Variants in ADGRL1 observed in about 807,000 individuals in gnomAD.
The protein encoded by ADGRL1 is CIRL-1.
A neutral mutation model predicts 148.9 loss-of-function variants in ADGRL1; 31 were observed. The observed-to-expected ratio is 0.21, with a 90% CI of 0.16 to 0.28. ADGRL1 has a LOEUF of 0.28. ADGRL1 is among the 10% of genes least tolerant of loss of function. The pLI, the probability that ADGRL1 is intolerant of heterozygous loss-of-function variation, is 1.00. For synonymous variants in ADGRL1, 937 were observed against 900.3 expected (o/e 1.04, Z -0.73); for missense variants, 1,521 against 2,058.8 (o/e 0.74, Z 5.05).
At position 14,155,532 on chromosome 19, in the gene ADGRL1, G is replaced by A; in HGVS notation, c.3126-5C>T. The A allele has an allele frequency of 6.2e-7, 1 of 1,613,206 alleles. No homozygotes were observed. The highest frequency in any genetic ancestry group is 8.5e-7 in the Non-Finnish European group (1 of 1,179,780). ...ATGGCCCCCAGCGCCCAGGATCTGG[G>A]AGTGGGGCGACAGGGGAGTCAAAGT... On this transcript the variant is annotated splice_region_variant and splice_polypyrimidine_tract_variant and intron_variant, in intron 17 of 22. Transcript: ENST00000361434. The surrounding 1 kb of genome is among the most constrained non-coding windows in gnomAD (Gnocchi z 5.0).
At chr19:14,158,185 A>G (rs1968964069) in intron 12 of ADGRL1, 133 bp from the exon 13 acceptor site, 19 of 1,229,482 alleles carry the variant, frequency 1.5e-5, no homozygotes, top group Non-Finnish European at 2.2e-5. Flanking sequence ...TCCAGTTGAC[A>G]TTCTGAGAGC....
At chr19:14,197,852 A>C (rs1444948846) in intron 1 of ADGRL1, among the ~76,000 whole-genome samples, 5 of 152,174 alleles carry the variant, frequency 3.3e-5, no homozygotes. Flanking sequence ...AATGAAGATG[A>C]AATAGACCCA....
At chr19:14,180,433 T>C (rs1183269617) in intron 2 of ADGRL1, among the ~76,000 whole-genome samples, 1 of 151,922 alleles carries the variant, frequency 6.6e-6, no homozygotes, top group East Asian at 1.9e-4. Flanking sequence ...TTTTTGTATT[T>C]TTAGTAGAGA....
Position 14,151,070 on chromosome 19 carries a change from G to GGGGGCC in ADGRL1, c.4212_4213insGGCCCC (p.Leu1404_Pro1405insGlyPro). 1 of 709,434 alleles carries GGGGGCC rather than the reference G, an allele frequency of 1.4e-6. No individual in the cohort carries two copies. Among genetic ancestry groups the GGGGGCC allele is most frequent in the Non-Finnish European group, 2.2e-6 (1 of 459,076 alleles). 43.9% of individuals were successfully genotyped at this position (709,434 alleles called of 1,614,324 possible). A position where few individuals can be genotyped will look rare whatever the true frequency, so the allele number is the denominator to read the frequency against. ...CCGGGGGGTGCGGGAGGGGGTGGGG[G>GGGGGCC]CAGGGCCTCACTGGGCCCCTCAGGG... On this transcript the variant is annotated inframe_insertion, in exon 23 of 23. Coordinates refer to ENST00000361434, the MANE Select transcript of ADGRL1 (RefSeq NM_014921.5).
intron 3 of ADGRL1, among the ~76,000 whole-genome samples, chr19:14,173,094 G>A (rs1212781622): frequency 6.6e-6 from 1 of 151,978 alleles, no homozygotes; most frequent in Non-Finnish European, 1.5e-5. Flanking sequence ...CAAGGAGCTG[G>A]GACTACAGGT....
chr19:14,166,211 TCCC>T (rs1969944542), intron 4 of ADGRL1, among the ~76,000 whole-genome samples: 2 of 147,352 alleles, frequency 1.4e-5, no homozygotes, highest in South Asian at 4.3e-4. Context: ...CACCCTTCGC[TCCC>T]CCAACCACGA....
rs1449478954 is a variant in ADGRL1 at position 14,152,728 on chromosome 19, C to T, written c.3423+56G>A. The T allele has an allele frequency of 4.4e-6, 7 of 1,604,510 alleles. No individual in the cohort carries two copies. Among genetic ancestry groups the T allele is most frequent in the Non-Finnish European group, 6.0e-6 (7 of 1,172,958 alleles). On this transcript the variant is annotated intron_variant, in intron 19 of 22. Coordinates refer to ENST00000361434, the MANE Select transcript of ADGRL1 (RefSeq NM_014921.5). This position sits in a 1 kb window ranked among gnomAD's most constrained non-coding sequence, Gnocchi z 6.1. ...AAACCTAGGCCAAGCCACTCCCCAC[C>T]TCTCAGGCTCCAGGTTCCAACACTC...
chr19:14,195,209 A>G (rs1357019518), intron 1 of ADGRL1, among the ~76,000 whole-genome samples: 1 of 151,668 alleles, frequency 6.6e-6, no homozygotes, highest in Non-Finnish European at 1.5e-5. Context: ...ACCCTATCTC[A>G]CCCATGGGAA....
At chr19:14,202,842 C>T (rs1420728086) in intron 1 of ADGRL1, among the ~76,000 whole-genome samples, 2 of 152,002 alleles carry the variant, frequency 1.3e-5, no homozygotes, top group Non-Finnish European at 2.9e-5. Flanking sequence ...AACACAAACA[C>T]CAGCACAGGA....
At chr19:14,198,461 G>T (rs1469215264) in intron 1 of ADGRL1, among the ~76,000 whole-genome samples, 4 of 152,124 alleles carry the variant, frequency 2.6e-5, no homozygotes, top group Non-Finnish European at 5.9e-5. Context: ...CCCCCACCTT[G>T]CTGGTTGCCT....
chr19:14,160,181 G>A lies in ADGRL1; in HGVS notation c.1731C>T (p.Asp577=). 6.3e-7 allele frequency: 1 copy of A among 1,598,662 alleles called. No homozygotes were observed. The highest frequency in any genetic ancestry group is 2.3e-5 in the East Asian group (1 of 44,388). ...GGGCCTGCAGCTGGGCATCCAGGAT[G>A]TCCAGCAGCTGCTCCATCAGCTTCA... ...SSVKLMEQLL[D]ILDAQLQALR... The change falls in exon 8 of 23, where the codon GAC becomes GAT. Residue 577 remains aspartate, a synonymous_variant. Coordinates refer to ENST00000361434, the MANE Select transcript of ADGRL1 (RefSeq NM_014921.5). The surrounding 1 kb of genome is among the most constrained non-coding windows in gnomAD (Gnocchi z 5.9).
intron 1 of ADGRL1, among the ~76,000 whole-genome samples, chr19:14,197,539 G>A (rs1972338016): frequency 6.6e-6 from 1 of 152,114 alleles, no homozygotes; most frequent in Non-Finnish European, 1.5e-5. Flanking sequence ...AGGCCCTGCT[G>A]TCCTGCCACC....
In ADGRL1 at chr19:14,158,453, C is replaced by T. The variant is rs1182707317; in HGVS notation, c.2249G>A (p.Gly750Asp). Residue 750 changes from glycine to aspartate, a missense_variant, in exon 12 of 23, where the codon GGC (glycine) becomes GAC (aspartate). Transcript: ENST00000361434. ...VKLAGEAGPG[G>D]PGGASLVVNS... is the part of the protein sequence containing the mutation. ...CACCACTAGAGAGGCGCCCCCAGGGCCACCCGGGCCTGCTTCGCCGGCCAG... is the reference window on the plus strand; with the variant it reads ...CACCACTAGAGAGGCGCCCCCAGGGTCACCCGGGCCTGCTTCGCCGGCCAG... 7 of 1,613,738 alleles carry T rather than the reference C, an allele frequency of 4.3e-6. No individual in the cohort carries two copies. Among genetic ancestry groups the T allele is most frequent in the Non-Finnish European group, 5.1e-6 (6 of 1,180,026 alleles).
chr19:14,171,431 G>T (rs1338596929), intron 3 of ADGRL1, among the ~76,000 whole-genome samples: 1 of 152,136 alleles, frequency 6.6e-6, no homozygotes, highest in Non-Finnish European at 1.5e-5. Context: ...TAAGAAGGAG[G>T]AGTCACCCGC....
intron 1 of ADGRL1, chr19:14,191,555 A>AG (rs1245379870): frequency 2.4e-6 from 1 of 423,860 alleles, no homozygotes; most frequent in Non-Finnish European, 4.8e-6. Context: ...ACTTCCTCCT[A>AG]GTTCTGGAGG....
At position 14,150,807 on chromosome 19, in the gene ADGRL1, C is replaced by A; in HGVS notation, c.*66G>T. On this transcript the variant is annotated 3_prime_UTR_variant, in exon 23 of 23. Transcript: ENST00000361434. ...ACTGCCTCCATCTGTCTCCCTCTCC[C>A]ACCAGAGCCCTGCCCAGGGTTCCCT... 1 of 1,561,132 alleles carries A rather than the reference C, an allele frequency of 6.4e-7. No homozygotes were observed. Among genetic ancestry groups the A allele is most frequent in the Non-Finnish European group, 8.7e-7 (1 of 1,155,482 alleles).
At chr19:14,188,493 A>G (rs994157128) in intron 1 of ADGRL1, among the ~76,000 whole-genome samples, 1 of 151,762 alleles carries the variant, frequency 6.6e-6, no homozygotes, top group African/African-American at 2.4e-5. Context: ...CAGCCCAACC[A>G]GACCAAAATA....
chr19:14,151,548 G>A lies in ADGRL1; in HGVS notation c.3735C>T (p.Asn1245=). Residue 1245 remains asparagine, a synonymous_variant, in exon 23 of 23, where the codon AAC becomes AAT. Transcript: ENST00000361434. ...AATCCCCACTTCGCAAGGAGTAACT[G>A]TTATTGAAGTTGCCGTTCAGGGGCA... ...DTLPLNGNFN[N]SYSLRSGDFP... is the part of the protein sequence containing the mutation. The A allele has an allele frequency of 6.2e-7, 1 of 1,611,356 alleles. No individual in the cohort carries two copies.
intron 1 of ADGRL1, among the ~76,000 whole-genome samples, chr19:14,202,172 A>C (rs952939512): frequency 6.6e-6 from 1 of 152,000 alleles, no homozygotes; most frequent in African/African-American, 2.4e-5. Flanking sequence ...CTGCAGTCAG[A>C]GTTTGGGGCT....
Sources: gnomAD v4.1 joint callset for allele counts (sites outside exome capture counted in the v4.1 genomes callset) on GRCh38, gnomAD v4.1.1 for gene constraint, Gnocchi (gnomAD v3.1) non-coding constraint, MANE v1.5 for transcripts, NCBI Gene and HGNC (gene_info 2026-07-23, HGNC 2026-07-21) for gene names.